Variants in GALNT17 observed in about 807,000 individuals in gnomAD.
GALNT17 encodes the protein polypeptide N-acetylgalactosaminyltransferase 17.
In GALNT17, 29 loss-of-function variants were observed where a neutral mutation model predicts 63.7. That is an observed-to-expected ratio of 0.46 (90% CI 0.34 to 0.62). The LOEUF is 0.62. Ranked by LOEUF, GALNT17 falls within the 20% of genes least tolerant of loss-of-function variation. The pLI, the probability that GALNT17 is intolerant of heterozygous loss-of-function variation, is 0.01. For synonymous variants in GALNT17, 305 were observed against 318.3 expected (o/e 0.96, Z 0.45); for missense variants, 603 against 799.6 (o/e 0.75, Z 2.97).
At chr7:71,244,475 C>T (rs1195857171) in intron 1 of GALNT17, among the ~76,000 whole-genome samples, 2 of 152,150 alleles carry the variant, frequency 1.3e-5, no homozygotes, top group African/African-American at 4.8e-5. Context: ...AACCTCAACT[C>T]TGCCCTTTAT....
At chr7:71,401,412 T>G (rs1275450662) in intron 3 of GALNT17, among the ~76,000 whole-genome samples, 1 of 152,160 alleles carries the variant, frequency 6.6e-6, no homozygotes, top group Non-Finnish European at 1.5e-5. Context: ...TACTCTTTTA[T>G]ATGTCTTATT....
chr7:71,449,175 C>T (rs556523496), intron 5 of GALNT17, among the ~76,000 whole-genome samples: 7 of 119,342 alleles, frequency 5.9e-5, no homozygotes, highest in Admixed American at 3.6e-4. Flanking sequence ...TGCAGTGGCG[C>T]GATCTTGGCT....
chr7:71,447,677 C>T (rs1787184453), intron 5 of GALNT17, among the ~76,000 whole-genome samples: 2 of 152,308 alleles, frequency 1.3e-5, no homozygotes, highest in South Asian at 2.1e-4. Flanking sequence ...TGCATCTGAT[C>T]CACATGGTAT....
At chr7:71,397,391 G>A (rs1004362367) in intron 3 of GALNT17, among the ~76,000 whole-genome samples, 1 of 152,006 alleles carries the variant, frequency 6.6e-6, no homozygotes, top group Admixed American at 6.6e-5. Context: ...AAGACCTACT[G>A]CCTATCCTCA....
At chr7:71,685,527 G>A (rs1791339313) in intron 9 of GALNT17, 1 of 152,202 alleles carries the variant, frequency 6.6e-6, no homozygotes, top group South Asian at 2.1e-4. Context: ...TTGTTTGGGG[G>A]TTCTAGCAGG....
intron 5 of GALNT17, among the ~76,000 whole-genome samples, chr7:71,491,963 C>G (rs1367180049): frequency 6.6e-6 from 1 of 152,046 alleles, no homozygotes; most frequent in African/African-American, 2.4e-5. Context: ...CAAGACCAGC[C>G]TGGGTAACAT....
intron 3 of GALNT17, among the ~76,000 whole-genome samples, chr7:71,409,720 T>C (rs984042975): frequency 3.3e-5 from 5 of 152,196 alleles, no homozygotes; most frequent in African/African-American, 1.2e-4. Context: ...GTATGTCCAC[T>C]GTGCAGTAAC....
At chr7:71,384,520 C>A (rs1158897664) in intron 2 of GALNT17, among the ~76,000 whole-genome samples, 1 of 152,194 alleles carries the variant, frequency 6.6e-6, no homozygotes, top group Non-Finnish European at 1.5e-5. Context: ...CCTTCCAGAG[C>A]TCTGAGAGTT....
intron 2 of GALNT17, among the ~76,000 whole-genome samples, chr7:71,380,677 G>A (rs758145455): frequency 1.3e-5 from 2 of 152,208 alleles, no homozygotes; most frequent in African/African-American, 2.4e-5. Context: ...GAGGGAGAGC[G>A]AAGATGCAAG....
At chr7:71,599,725 C>A (rs192284922) in intron 6 of GALNT17, among the ~76,000 whole-genome samples, 4 of 152,044 alleles carry the variant, frequency 2.6e-5, no homozygotes, top group Admixed American at 6.5e-5. Flanking sequence ...ATACCCCCCC[C>A]ACCCCACCTT....
intron 1 of GALNT17, among the ~76,000 whole-genome samples, chr7:71,330,584 A>T (rs1201331306): frequency 6.6e-6 from 1 of 151,348 alleles, no homozygotes; most frequent in East Asian, 2.0e-4. Flanking sequence ...TTTTGTAGAG[A>T]TGGTGTGGGG....
At chr7:71,541,153 A>G (rs1249976206) in intron 5 of GALNT17, among the ~76,000 whole-genome samples, 1 of 151,966 alleles carries the variant, frequency 6.6e-6, no homozygotes, top group Non-Finnish European at 1.5e-5. Context: ...CTAAGGCAGG[A>G]GAATCACTTG....
At position 71,500,175 on chromosome 7, in the gene GALNT17, C is replaced by T. The variant is rs575752227; in HGVS notation, c.963-71110C>T. 6.6e-5 allele frequency among the ~76,000 whole-genome samples: 10 copies of T among 152,278 alleles called. No homozygotes were observed. In the East Asian group the frequency reaches 1.5e-3, roughly 24 times the overall value. On this transcript the variant is annotated intron_variant, in intron 5 of 10. Coordinates refer to ENST00000333538, the MANE Select transcript of GALNT17 (RefSeq NM_022479.3). The stretch of plus-strand genomic sequence containing the variant: ...ATTGATTGCTTTTGCCTATAAATTT[C>T]CTAGAGCAATTATTGACAATTAATT...
chr7:71,319,893 CA>C (rs1296836683), intron 1 of GALNT17, among the ~76,000 whole-genome samples: 51 of 152,156 alleles, frequency 3.4e-4, no homozygotes, highest in Non-Finnish European at 7.2e-4. Flanking sequence ...TCATGTGTCT[CA>C]TGCTTCTTGG....
At chr7:71,346,244 A>G (rs1583878031) in intron 2 of GALNT17, among the ~76,000 whole-genome samples, 1 of 151,466 alleles carries the variant, frequency 6.6e-6, no homozygotes, top group African/African-American at 2.4e-5. Context: ...TACATATTAT[A>G]TATATTTTAA....
chr7:71,560,975 T>C (rs1304046601), intron 5 of GALNT17, among the ~76,000 whole-genome samples: 1 of 152,202 alleles, frequency 6.6e-6, no homozygotes, highest in Non-Finnish European at 1.5e-5. Context: ...AATTCACCGT[T>C]GCTGATGTAA....
At chr7:71,176,835 A>G (rs544711065) in intron 1 of GALNT17, among the ~76,000 whole-genome samples, 56 of 152,236 alleles carry the variant, frequency 3.7e-4, no homozygotes, top group Non-Finnish European at 6.2e-4. Flanking sequence ...AGGATGCAAC[A>G]TTCGTTGATT....
intron 5 of GALNT17, among the ~76,000 whole-genome samples, chr7:71,505,550 T>C (rs114457552): frequency 7.7e-4 from 117 of 152,198 alleles, no homozygotes; most frequent in African/African-American, 2.7e-3. Flanking sequence ...CAGTGAGCCA[T>C]GATCTTGCCA....
intron 5 of GALNT17, among the ~76,000 whole-genome samples, chr7:71,508,900 T>G (rs1788307538): frequency 6.6e-6 from 1 of 152,114 alleles, no homozygotes; most frequent in Non-Finnish European, 1.5e-5. Context: ...CTGGACACGT[T>G]CTTGTGCGTG....
Sources: allele counts gnomAD v4.1 joint callset (sites outside exome capture counted in the v4.1 genomes callset), GRCh38; gene constraint gnomAD v4.1.1; transcripts MANE v1.5; gene names NCBI Gene and HGNC (gene_info 2026-07-23, HGNC 2026-07-21).